Variants in DNAH5 observed in about 807,000 individuals in gnomAD.
The protein encoded by DNAH5 is axonemal beta dynein heavy chain 5.
A neutral mutation model predicts 518.2 loss-of-function variants in DNAH5; 372 were observed. The ratio of observed to expected loss-of-function variants is 0.72; its 90% CI spans 0.66 to 0.78. The LOEUF is 0.78. Among genes scored for constraint, DNAH5 ranks in the 30% least tolerant of loss-of-function variants. The pLI is 0.00. For missense variants in DNAH5, 5,523 were observed against 5,687.0 expected, an observed-to-expected ratio of 0.97 and a Z score of 0.93; for synonymous variants, 2,039 against 2,025.9, an observed-to-expected ratio of 1.01 and a Z score of -0.17.
In DNAH5 at chr5:13,871,624, C is replaced by T. The variant is rs1561477933; in HGVS notation, c.3538G>A (p.Glu1180Lys). ...TCAGGCTCAGCATTAATTTCCTGCT[C>T]TAGGTTTTGGAAATAGAGAATCTGG... ...ESQILYFQNLEQEINAEPEYV... is the reference protein window; with the variant it reads ...ESQILYFQNLKQEINAEPEYV... Residue 1180 changes from glutamate (E) to lysine (K), a missense_variant, in exon 23 of 79, where the codon GAG (glutamate) becomes AAG (lysine). By Grantham distance (56) the Glu-to-Lys change is moderately conservative. Coordinates refer to ENST00000265104, the MANE Select transcript of DNAH5 (RefSeq NM_001369.3). The T allele has an allele frequency of 6.2e-7, 1 of 1,613,760 alleles. No homozygotes were observed. The highest frequency in any genetic ancestry group is 8.5e-7 in the Non-Finnish European group (1 of 1,179,788).
At chr5:13,869,992 A>G (rs1769838481) in intron 24 of DNAH5, among the ~76,000 whole-genome samples, 1 of 152,090 alleles carries the variant, frequency 6.6e-6, no homozygotes, top group Admixed American at 6.6e-5. Flanking sequence ...AAATTACACT[A>G]TGTATGTTGA....
chr5:13,893,573 C>T (rs1370732525), intron 16 of DNAH5, among the ~76,000 whole-genome samples: 1 of 151,962 alleles, frequency 6.6e-6, no homozygotes, highest in Non-Finnish European at 1.5e-5. Context: ...TCCTTCTTCA[C>T]AGAATCCATA....
At chr5:13,920,359 C>T in intron 6 of DNAH5, 121 bp downstream of exon 6, 1 of 1,340,990 alleles carries the variant, frequency 7.5e-7, no homozygotes, top group African/African-American at 1.4e-5. Flanking sequence ...GACCTCTCAC[C>T]TCCTCAAGGA....
chr5:13,801,667 A>G (rs1234119173), intron 47 of DNAH5, among the ~76,000 whole-genome samples: 1 of 152,094 alleles, frequency 6.6e-6, no homozygotes, highest in Non-Finnish European at 1.5e-5. Flanking sequence ...TCTCCACTCT[A>G]CAGCCAGAAT....
chr5:13,893,609 T>C (rs1464300635), intron 16 of DNAH5, among the ~76,000 whole-genome samples: 1 of 152,058 alleles, frequency 6.6e-6, no homozygotes, highest in Non-Finnish European at 1.5e-5. Flanking sequence ...AAATTATCAA[T>C]TTACAATAAA....
At chr5:13,789,747 T>A (rs1352123467) in intron 50 of DNAH5, among the ~76,000 whole-genome samples, 1 of 152,222 alleles carries the variant, frequency 6.6e-6, no homozygotes, top group Admixed American at 6.5e-5. Flanking sequence ...AATGGCTATT[T>A]CAATAGTAAT....
At chr5:13,734,138 AT>A (rs1184598960) in intron 68 of DNAH5, among the ~76,000 whole-genome samples, 1 of 152,112 alleles carries the variant, frequency 6.6e-6, no homozygotes, top group Non-Finnish European at 1.5e-5. Context: ...TGCCCTTATA[AT>A]AGTCACTAGA....
At chr5:13,885,304 G>C in intron 18 of DNAH5, 76 bp from the exon 19 acceptor site, 3 of 1,531,470 alleles carry the variant, frequency 2.0e-6, no homozygotes, top group Non-Finnish European at 2.7e-6. Context: ...TAGATAGACA[G>C]ATAGATAGAA....
At chr5:13,758,257 C>G (rs1751284699) in intron 61 of DNAH5, among the ~76,000 whole-genome samples, 1 of 152,102 alleles carries the variant, frequency 6.6e-6, no homozygotes, top group Non-Finnish European at 1.5e-5. Context: ...TAATCCCAAC[C>G]TTTGGGAGGC....
rs1223520112 is a variant in DNAH5 at position 13,727,545 on chromosome 5, G to A, written c.11995C>T (p.Leu3999Phe). ...CTGTCAGGACACCAGGATCTAATAA[G>A]GAGAAGACGTCTGAAGCAGTCAAGA... is the stretch of plus-strand genomic sequence containing the variant. ...KSLDCFRRLL[L>F]IRSWCPDRTI... The change falls in exon 70 of 79, where the codon CTT (leucine) becomes TTT (phenylalanine). Residue 3999 changes from leucine (L) to phenylalanine (F), a missense_variant. This residue lies in a region of DNAH5 where 5,121 missense variants were observed against 5,223.3 expected (regional missense o/e 0.98). Transcript: ENST00000265104. 3.7e-6 allele frequency: 6 copies of A among 1,613,702 alleles called. No homozygotes were observed. In the East Asian group the frequency reaches 1.1e-4, roughly 30 times the overall value.
intron 44 of DNAH5, chr5:13,810,584 CAA>C (rs61113976): frequency 0.03 from 3,035 of 99,716 alleles, 108 homozygotes; most frequent in African/African-American, 0.1. Context: ...ACTAAAAATA[CAA>C]AAAAAAAAAA....
At chr5:13,845,702 T>C (rs144416537) in intron 31 of DNAH5, among the ~76,000 whole-genome samples, 14 of 152,320 alleles carry the variant, frequency 9.2e-5, no homozygotes, top group African/African-American at 3.1e-4. Flanking sequence ...TTCTAGCATA[T>C]TTTGTTATAA....
chr5:13,714,586 C>A lies in DNAH5; in HGVS notation c.12944G>T (p.Gly4315Val). ...LPAYDSPEVF[G>V]LHPNADITYQ... ...GGTGATGTCAGCATTGGGGTGCAGC[C>A]CAAACACCTCAGGGCTGTCATAGGC... is the stretch of plus-strand genomic sequence containing the variant. The change falls in exon 75 of 79, where the codon GGG (glycine) becomes GTG (valine). Residue 4315 changes from glycine (G) to valine (V), a missense_variant. Physicochemically the swap from Gly to Val is moderately radical, Grantham distance 109. Coordinates refer to ENST00000265104, the MANE Select transcript of DNAH5 (RefSeq NM_001369.3). 6.2e-7 allele frequency: 1 copy of A among 1,614,072 alleles called. No homozygotes were observed. Among genetic ancestry groups the A allele is most frequent in the South Asian group, 1.1e-5 (1 of 91,078 alleles).
chr5:13,904,801 C>G (rs1458622590), intron 12 of DNAH5, among the ~76,000 whole-genome samples: 1 of 152,052 alleles, frequency 6.6e-6, no homozygotes, highest in Non-Finnish European at 1.5e-5. Flanking sequence ...GTCTCAACTA[C>G]TCGGGAGGCT....
At chr5:13,805,960 G>T (rs1164011478) in intron 47 of DNAH5, among the ~76,000 whole-genome samples, 4 of 152,092 alleles carry the variant, frequency 2.6e-5, no homozygotes, top group Non-Finnish European at 5.9e-5. Context: ...CTCTGCCATA[G>T]TTACAATCAG....
Position 13,920,562 on chromosome 5 carries a change from T to A in DNAH5, c.716A>T (p.Asp239Val). 6.2e-7 allele frequency: 1 copy of A among 1,614,186 alleles called. No individual in the cohort carries two copies. Among genetic ancestry groups the A allele is most frequent in the Non-Finnish European group, 8.5e-7 (1 of 1,179,990 alleles). The change falls in exon 6 of 79, where the codon GAC becomes GTC. Residue 239 changes from aspartate to valine, a missense_variant. This residue lies in a region of DNAH5 where 5,121 missense variants were observed against 5,223.3 expected (regional missense o/e 0.98). Coordinates refer to ENST00000265104, the MANE Select transcript of DNAH5 (RefSeq NM_001369.3). ...LELKTLKEPT[D>V]YLTLANNPET... ...AGGGTTATTTGCTAGAGTCAAGTAG[T>A]CCGTAGGTTCCTTTAGGGTTTTCAG...
chr5:14,003,597 A>G (rs980084676), intron 1 of DNAH5, among the ~76,000 whole-genome samples: 1 of 152,206 alleles, frequency 6.6e-6, no homozygotes, highest in Non-Finnish European at 1.5e-5. Context: ...CCACATGCTC[A>G]TCCTTCAGTG....
At chr5:13,713,124 T>TATATATATATATACACACAC (rs1554018603) in intron 75 of DNAH5, among the ~76,000 whole-genome samples, 6 of 146,562 alleles carry the variant, frequency 4.1e-5, no homozygotes, top group African/African-American at 1.5e-4. Flanking sequence ...TATATATATA[T>TATATATATATATACACACAC]ACACACACAC....
chr5:14,005,570 G>T (rs1784669233), intron 1 of DNAH5, among the ~76,000 whole-genome samples: 1 of 152,198 alleles, frequency 6.6e-6, no homozygotes, highest in Admixed American at 6.5e-5. Flanking sequence ...ACTTGCATCA[G>T]CTGATGAGAA....
Sources: allele counts gnomAD v4.1 joint callset (sites outside exome capture counted in the v4.1 genomes callset), GRCh38; gene constraint gnomAD v4.1.1; regional missense constraint gnomAD v4.1.1; transcripts MANE v1.5; gene names NCBI Gene and HGNC (gene_info 2026-07-23, HGNC 2026-07-21).